The following SDCBP2 variants were observed in gnomAD, a reference collection of about 807,000 sequenced individuals.
SDCBP2 encodes syntenin-2.
SDCBP2 carries 28 observed loss-of-function variants against 30.7 expected under a neutral mutation model. The ratio of observed to expected loss-of-function variants is 0.91; its 90% CI spans 0.68 to 1.25. SDCBP2 has a LOEUF of 1.25. Among genes scored for constraint, SDCBP2 ranks in the 50% most tolerant of loss-of-function variants. The pLI is 0.00. For synonymous variants in SDCBP2, 166 were observed against 157.3 expected (o/e 1.06, Z -0.41); for missense variants, 399 against 379.0 (o/e 1.05, Z -0.44).
At position 1,320,239 on chromosome 20, in the gene SDCBP2, A is replaced by C; in HGVS notation, c.54+124T>G. Reference sequence around the variant, plus strand: ...GTCTTCTCTGCCCAGCAGGCCCTGCAGTGGACACCTACATGCCCTGAGGCC... The same window carrying C: ...GTCTTCTCTGCCCAGCAGGCCCTGCCGTGGACACCTACATGCCCTGAGGCC... On this transcript the variant is annotated intron_variant, in intron 2 of 8. Transcript: ENST00000360779. This position sits in a 1 kb window ranked among gnomAD's most constrained non-coding sequence, Gnocchi z 4.7. 2.5e-6 allele frequency: 2 copies of C among 790,196 alleles called. No individual in the cohort carries two copies. The highest frequency in any genetic ancestry group is 2.3e-5 in the Admixed American group (1 of 43,024). The allele number at this position is 790,196 out of a possible 1,614,324, so 48.9% of individuals were successfully genotyped here. A position where few individuals can be genotyped will look rare whatever the true frequency, so the allele number is the denominator to read the frequency against.
At position 1,313,323 on chromosome 20, in the gene SDCBP2, C is replaced by CA. The variant is rs1440502516; in HGVS notation, c.384+16dup. The CA allele has an allele frequency of 1.2e-6, 2 of 1,608,668 alleles. No individual in the cohort carries two copies. Among genetic ancestry groups the CA allele is most frequent in the Non-Finnish European group, 1.7e-6 (2 of 1,178,906 alleles). On this transcript the variant is annotated intron_variant, in intron 5 of 8. Coordinates refer to ENST00000360779, the MANE Select transcript of SDCBP2 (RefSeq NM_080489.5). The surrounding 1 kb of genome is among the most constrained non-coding windows in gnomAD (Gnocchi z 5.2). ...TGCAGCTCGAGCTCCTCTTCCCACC[C>CA]AGCCCCCGCGCCCTACCTGGTCGAC... is the stretch of plus-strand genomic sequence containing the variant.
intron 3 of SDCBP2, among the ~76,000 whole-genome samples, chr20:1,319,072 C>T (rs773119610): frequency 3.3e-5 from 5 of 152,176 alleles, no homozygotes; most frequent in South Asian, 4.1e-4. Context: ...CTCTTTGAGC[C>T]GCTATCTGCC....
At chr20:1,326,517 A>G (rs954818760) in intron 1 of SDCBP2, among the ~76,000 whole-genome samples, 3 of 152,294 alleles carry the variant, frequency 2.0e-5, no homozygotes, top group Non-Finnish European at 4.4e-5. Flanking sequence ...TGCAGGTGCT[A>G]TTCCCTCTGT....
chr20:1,323,424 C>T (rs2088874406), intron 1 of SDCBP2: 1 of 152,210 alleles, frequency 6.6e-6, no homozygotes, highest in African/African-American at 2.4e-5. Context: ...CAGTAGAGCA[C>T]TTATATTTTT....
chr20:1,313,053 C>T lies in SDCBP2; in HGVS notation c.384+287G>A. 1 of 588,356 alleles carries T rather than the reference C, an allele frequency of 1.7e-6. No homozygotes were observed. The highest frequency in any genetic ancestry group is 3.0e-6 in the Non-Finnish European group (1 of 331,040). The allele number at this position is 588,356 out of a possible 1,614,324, so 36.4% of individuals were successfully genotyped here. On this transcript the variant is annotated intron_variant, in intron 5 of 8. Coordinates refer to ENST00000360779, the MANE Select transcript of SDCBP2 (RefSeq NM_080489.5). The surrounding 1 kb of genome is among the most constrained non-coding windows in gnomAD (Gnocchi z 5.2). Reference sequence around the variant, plus strand: ...GCTTCCCTGGCGTCGGCTGTCTACACCGTCGCCTGGAAGCTAGATGCCCTG... The same window carrying T: ...GCTTCCCTGGCGTCGGCTGTCTACATCGTCGCCTGGAAGCTAGATGCCCTG...
In SDCBP2 at chr20:1,329,108, G is replaced by C. The variant is rs989128579; in HGVS notation, c.-43C>G. 6.6e-6 allele frequency: 1 copy of C among 152,370 alleles called. No homozygotes were observed. Among genetic ancestry groups the C allele is most frequent in the Non-Finnish European group, 1.5e-5 (1 of 68,184 alleles). The allele number at this position is 152,370 out of a possible 1,614,324, so 9.4% of individuals were successfully genotyped here. A position where few individuals can be genotyped will look rare whatever the true frequency, so the allele number is the denominator to read the frequency against. On this transcript the variant is annotated 5_prime_UTR_variant, in exon 1 of 9. Coordinates refer to ENST00000360779, the MANE Select transcript of SDCBP2 (RefSeq NM_080489.5). The surrounding 1 kb of genome is among the most constrained non-coding windows in gnomAD (Gnocchi z 4.3). ...ACCTGCAGGCAAGGTGCTGCTCCAC[G>C]ACCTTCTCCAGCTGCTGCCGCTGCT...
At position 1,313,218 on chromosome 20, in the gene SDCBP2, G is replaced by T; in HGVS notation, c.384+122C>A. On this transcript the variant is annotated intron_variant, in intron 5 of 8. Transcript: ENST00000360779. This position sits in a 1 kb window ranked among gnomAD's most constrained non-coding sequence, Gnocchi z 5.2. ...AGGGACTGGGGGCAAGAGCCTGGCC[G>T]CTGGGGTTAGGAGGCCCGCTCTGCA... The T allele has an allele frequency of 9.5e-7, 1 of 1,056,934 alleles. No homozygotes were observed. The highest frequency in any genetic ancestry group is 1.5e-5 in the South Asian group (1 of 67,176). The allele number at this position is 1,056,934 out of a possible 1,614,324, so 65.5% of individuals were successfully genotyped here.
In SDCBP2 at chr20:1,313,291, G is replaced by C; in HGVS notation, c.384+49C>G. 1 of 1,571,872 alleles carries C rather than the reference G, an allele frequency of 6.4e-7. No individual in the cohort carries two copies. Among genetic ancestry groups the C allele is most frequent in the Non-Finnish European group, 8.7e-7 (1 of 1,155,126 alleles). On this transcript the variant is annotated intron_variant, in intron 5 of 8. Transcript: ENST00000360779. This position sits in a 1 kb window ranked among gnomAD's most constrained non-coding sequence, Gnocchi z 5.2. Reference sequence around the variant, plus strand: ...CTCTGAGCTCTGAGGCCTGGCGGGAGAGCGCGTGCAGCTCGAGCTCCTCTT... The same window carrying C: ...CTCTGAGCTCTGAGGCCTGGCGGGACAGCGCGTGCAGCTCGAGCTCCTCTT...
Position 1,324,969 on chromosome 20 carries a change from T to G in SDCBP2, c.-20+4116A>C, listed in dbSNP as rs752567088. ...ATTCTTTTATTAGAAATTACTTTCA[T>G]GTCCCTGCCTTCTCCTTATAAACAA... On this transcript the variant is annotated intron_variant, in intron 1 of 8. Transcript: ENST00000360779. This position sits in a 1 kb window ranked among gnomAD's most constrained non-coding sequence, Gnocchi z 4.7. Among the ~76,000 whole-genome samples the G allele has an allele frequency of 2.6e-5, 4 of 152,206 alleles. No homozygotes were observed. Among genetic ancestry groups the G allele is most frequent in the Non-Finnish European group, 5.9e-5 (4 of 68,038 alleles).
chr20:1,322,396 G>T (rs2088861190), intron 1 of SDCBP2: 1 of 152,156 alleles, frequency 6.6e-6, no homozygotes, highest in Non-Finnish European at 1.5e-5. Flanking sequence ...CATTTGCTGT[G>T]AAGCCTCTAA....
At chr20:1,314,519 A>T in intron 4 of SDCBP2, among the ~76,000 whole-genome samples, 1 of 146,528 alleles carries the variant, frequency 6.8e-6, no homozygotes. Context: ...AAAGGAAAGG[A>T]AAGGAAAGGA....
intron 3 of SDCBP2, among the ~76,000 whole-genome samples, chr20:1,319,315 CTT>C (rs1482164410): frequency 1.3e-5 from 2 of 152,278 alleles, no homozygotes; most frequent in East Asian, 3.9e-4. Flanking sequence ...GCTTCCCTAA[CTT>C]GAGCTGGGTT....
At position 1,310,415 on chromosome 20, in the gene SDCBP2, C is replaced by G. The variant is rs750478956; in HGVS notation, c.*26G>C. On this transcript the variant is annotated 3_prime_UTR_variant, in exon 9 of 9. Transcript: ENST00000360779. ...TGCTGCAGGAGGGCGGGAAGCCCCC[C>G]CTGCCTGCCCTGCCCTGCAGTGGCT... 2.0e-5 allele frequency: 32 copies of G among 1,611,740 alleles called. No homozygotes were observed. Among genetic ancestry groups the G allele is most frequent in the Admixed American group, 6.7e-5 (4 of 59,920 alleles).
intron 7 of SDCBP2, among the ~76,000 whole-genome samples, chr20:1,311,615 CT>C (rs2088670424): frequency 6.6e-6 from 1 of 152,066 alleles, no homozygotes; most frequent in South Asian, 2.1e-4. Context: ...AGAAGATGTG[CT>C]AGACAGGACT....
intron 7 of SDCBP2, 124 bp downstream of exon 7, chr20:1,312,213 T>C: frequency 1.0e-6 from 1 of 974,710 alleles, no homozygotes; most frequent in Non-Finnish European, 1.5e-6. Context: ...AACACCGTCT[T>C]ACTGAACCCT....
intron 1 of SDCBP2, chr20:1,326,005 C>G (rs572427479): frequency 6.6e-6 from 1 of 152,226 alleles, no homozygotes; most frequent in Admixed American, 6.5e-5. Context: ...CAAAATCAGA[C>G]CGAAAGCCTG....
rs545951793 is a variant in SDCBP2 at position 1,324,700 on chromosome 20, C to T, written c.-19-4265G>A. 1.3e-5 allele frequency among the ~76,000 whole-genome samples: 2 copies of T among 152,250 alleles called. No individual in the cohort carries two copies. Among genetic ancestry groups the T allele is most frequent in the East Asian group, 3.9e-4 (2 of 5,190 alleles). ...GCTCACCATTCTGGAAAATCGCTGCCCACCCTGCTCCCCACGGGTGAGTCA... is the reference window on the plus strand; with the variant it reads ...GCTCACCATTCTGGAAAATCGCTGCTCACCCTGCTCCCCACGGGTGAGTCA... On this transcript the variant is annotated intron_variant, in intron 1 of 8. Transcript: ENST00000360779. The surrounding 1 kb of genome is among the most constrained non-coding windows in gnomAD (Gnocchi z 4.7).
intron 4 of SDCBP2, chr20:1,317,733 A>C: frequency 4.6e-6 from 1 of 216,490 alleles, no homozygotes; most frequent in Non-Finnish European, 9.4e-6. Context: ...ACAACTTTGC[A>C]GTTTGTACTT....
At chr20:1,327,218 TAAC>T (rs943391187) in intron 1 of SDCBP2, among the ~76,000 whole-genome samples, 12 of 152,156 alleles carry the variant, frequency 7.9e-5, no homozygotes, top group African/African-American at 2.9e-4. Context: ...ATATAAGCAA[TAAC>T]AACACCCACA....
Sources: allele counts gnomAD v4.1 joint callset (sites outside exome capture counted in the v4.1 genomes callset), GRCh38; gene constraint gnomAD v4.1.1; non-coding constraint Gnocchi (gnomAD v3.1); transcripts MANE v1.5; gene names NCBI Gene and HGNC (gene_info 2026-07-23, HGNC 2026-07-21).